Variants in SLIT2 observed in about 807,000 individuals in gnomAD.
SLIT2 encodes slit guidance ligand 2.
SLIT2 carries 41 observed loss-of-function variants against 185.7 expected under a neutral mutation model. That is an observed-to-expected ratio of 0.22 (90% CI 0.17 to 0.29). The LOEUF (loss-of-function observed/expected upper bound fraction) is 0.29. SLIT2 is among the 10% of genes least tolerant of loss of function. SLIT2 has a pLI of 1.00. For missense variants in SLIT2, 1,571 were observed against 1,909.0 expected (o/e 0.82, Z 3.30); for synonymous variants, 693 against 680.2 (o/e 1.02, Z -0.29).
At chr4:20,518,848 C>T (rs1161725440) in intron 11 of SLIT2, among the ~76,000 whole-genome samples, 3 of 150,456 alleles carry the variant, frequency 2.0e-5, no homozygotes, top group South Asian at 2.1e-4. Flanking sequence ...CCTCGTGATC[C>T]GCCCGCCTCG....
At chr4:20,540,733 A>G (rs1722736143) in intron 19 of SLIT2, among the ~76,000 whole-genome samples, 1 of 152,184 alleles carries the variant, frequency 6.6e-6, no homozygotes, top group Admixed American at 6.5e-5. Flanking sequence ...AATTTGAGAG[A>G]AGCATCCATC....
chr4:20,465,941 A>G (rs892108977), intron 4 of SLIT2, among the ~76,000 whole-genome samples: 24 of 145,770 alleles, frequency 1.6e-4, no homozygotes, highest in Admixed American at 1.6e-3. Flanking sequence ...TGCCGTTTTT[A>G]TTCATCTACA....
chr4:20,390,875 A>C (rs1725364220), intron 4 of SLIT2, among the ~76,000 whole-genome samples: 1 of 151,814 alleles, frequency 6.6e-6, no homozygotes, highest in Non-Finnish European at 1.5e-5. Flanking sequence ...TCATTACTTA[A>C]TTGTATGCTA....
At chr4:20,262,069 A>C (rs1486602715) in intron 3 of SLIT2, among the ~76,000 whole-genome samples, 4 of 151,872 alleles carry the variant, frequency 2.6e-5, no homozygotes, top group Non-Finnish European at 5.9e-5. Context: ...TTGAACAGTC[A>C]AGCTGTTAAC....
chr4:20,504,440 A>G (rs1388489480), intron 9 of SLIT2, among the ~76,000 whole-genome samples: 1 of 152,152 alleles, frequency 6.6e-6, no homozygotes, highest in African/African-American at 2.4e-5. Context: ...ATCCAAAGAC[A>G]TATTTTACTG....
intron 30 of SLIT2, among the ~76,000 whole-genome samples, chr4:20,590,418 G>A (rs1258147350): frequency 1.3e-5 from 2 of 152,168 alleles, no homozygotes; most frequent in African/African-American, 2.4e-5. Context: ...TGACTTTAAT[G>A]TAATTGAAGA....
At chr4:20,512,093 G>C (rs1719808269) in intron 11 of SLIT2, among the ~76,000 whole-genome samples, 1 of 152,106 alleles carries the variant, frequency 6.6e-6, no homozygotes, top group African/African-American at 2.4e-5. Context: ...CTTTAGATCA[G>C]ATTTAAATAT....
Position 20,620,260 on chromosome 4 carries a change from A to C in SLIT2, c.*1251A>C, listed in dbSNP as rs1729982971. 2 of 344,012 alleles carry C rather than the reference A, an allele frequency of 5.8e-6. No homozygotes were observed. Among genetic ancestry groups the C allele is most frequent in the Non-Finnish European group, 1.1e-5 (2 of 179,034 alleles). The allele number at this position is 344,012 out of a possible 1,614,324, so 21.3% of individuals were successfully genotyped here. On this transcript the variant is annotated 3_prime_UTR_variant, in exon 37 of 37. Coordinates refer to ENST00000504154, the MANE Select transcript of SLIT2 (RefSeq NM_004787.4). ...TGGGGATAAAAAGACTGTCATATCA[A>C]GAACTGTGACTTTTCTTTCCCTCAA...
rs1277030711 is a variant in SLIT2, at chr4:20,417,417, C to CAT, written c.396-50326_396-50325dup. On this transcript the variant is annotated intron_variant, in intron 4 of 36. Coordinates refer to ENST00000504154, the MANE Select transcript of SLIT2 (RefSeq NM_004787.4). The stretch of plus-strand genomic sequence containing the variant: ...ACTTTATATGCCTGCTTCCCGCAAT[C>CAT]ATATATATATGTGTGTGTGTATATA... Among the ~76,000 whole-genome samples, 49 of 109,508 alleles carry CAT rather than the reference C, an allele frequency of 4.5e-4. No individual in the cohort carries two copies. In the South Asian group the frequency reaches 7.8e-3, roughly 17 times the overall value. 71.8% of individuals were successfully genotyped at this position (109,508 alleles called of 152,430 possible). A position where few individuals can be genotyped will look rare whatever the true frequency, so the allele number is the denominator to read the frequency against.
intron 18 of SLIT2, among the ~76,000 whole-genome samples, chr4:20,534,599 C>G (rs527363173): frequency 6.6e-5 from 10 of 152,176 alleles, no homozygotes; most frequent in African/African-American, 1.9e-4. Context: ...AACTCTGAAG[C>G]CTTTAGAAGG....
chr4:20,568,860 T>C lies in SLIT2; in HGVS notation c.2949-5T>C, dbSNP rs1312378834. 3 of 1,610,322 alleles carry C rather than the reference T, an allele frequency of 1.9e-6. No individual in the cohort carries two copies. Among genetic ancestry groups the C allele is most frequent in the Non-Finnish European group, 2.5e-6 (3 of 1,177,490 alleles). On this transcript the variant is annotated splice_polypyrimidine_tract_variant and splice_region_variant and intron_variant, in intron 28 of 36. Transcript: ENST00000504154. ...GTTTTTTGCCTTTTCTCCTCTGGCA[T>C]TCAGGTGTATTTGTGCTGATGGATT...
chr4:20,346,039 G>A (rs2109248160), intron 4 of SLIT2, among the ~76,000 whole-genome samples: 1 of 152,152 alleles, frequency 6.6e-6, no homozygotes, highest in Non-Finnish European at 1.5e-5. Context: ...TGCCACCCAG[G>A]CTAGAGTGCA....
At chr4:20,474,968 A>G (rs185313532) in intron 5 of SLIT2, among the ~76,000 whole-genome samples, 40 of 151,958 alleles carry the variant, frequency 2.6e-4, no homozygotes, top group African/African-American at 9.2e-4. Flanking sequence ...AAACTCTAGG[A>G]CTAGGCAGAA....
At chr4:20,524,455 A>G (rs1421201630) in intron 14 of SLIT2, among the ~76,000 whole-genome samples, 2 of 152,220 alleles carry the variant, frequency 1.3e-5, no homozygotes, top group Non-Finnish European at 2.9e-5. Flanking sequence ...TTCAAACTTA[A>G]CCAGAGCCTT....
chr4:20,466,033 A>G (rs1361317795), intron 4 of SLIT2, among the ~76,000 whole-genome samples: 1 of 152,090 alleles, frequency 6.6e-6, no homozygotes, highest in East Asian at 1.9e-4. Context: ...CGAAGACAGA[A>G]TAGTAGAAAC....
chr4:20,390,517 A>G (rs1485371650), intron 4 of SLIT2, among the ~76,000 whole-genome samples: 12 of 152,044 alleles, frequency 7.9e-5, no homozygotes, highest in Admixed American at 6.6e-5. Flanking sequence ...TAAAACCACT[A>G]GTAGTTTGAG....
chr4:20,489,257 A>G (rs1341806235), intron 8 of SLIT2, among the ~76,000 whole-genome samples: 3 of 152,184 alleles, frequency 2.0e-5, no homozygotes, highest in Admixed American at 6.5e-5. Context: ...TGATGATTCT[A>G]CTTTTGATTT....
chr4:20,618,090 C>G (rs1729822034), intron 36 of SLIT2, among the ~76,000 whole-genome samples: 1 of 152,158 alleles, frequency 6.6e-6, no homozygotes, highest in Admixed American at 6.5e-5. Context: ...ACAAAATGAC[C>G]TTTGGCCTTA....
At chr4:20,470,536 T>C (rs1054055055) in intron 5 of SLIT2, among the ~76,000 whole-genome samples, 1 of 119,580 alleles carries the variant, frequency 8.4e-6, no homozygotes, top group Non-Finnish European at 1.8e-5. Context: ...GTGTGTGTAA[T>C]GTAAGGGATG....
Sources: gnomAD v4.1 joint callset for allele counts (sites outside exome capture counted in the v4.1 genomes callset) on GRCh38, gnomAD v4.1.1 for gene constraint, MANE v1.5 for transcripts, NCBI Gene and HGNC (gene_info 2026-07-23, HGNC 2026-07-21) for gene names.